The following CACNA1E variants were observed in gnomAD, a reference collection of about 807,000 sequenced individuals.
CACNA1E encodes calcium voltage-gated channel subunit alpha1 E, also known as voltage-dependent R-type calcium channel subunit alpha-1E.
Under a neutral mutation model 259.2 loss-of-function variants are expected in CACNA1E, and 40 were observed. The observed-to-expected ratio is 0.15, with a 90% CI of 0.12 to 0.20. CACNA1E has a LOEUF of 0.20. Among genes scored for constraint, CACNA1E ranks in the 10% least tolerant of loss-of-function variants. CACNA1E has a pLI of 1.00. For synonymous variants in CACNA1E, 1,104 were observed against 1,138.5 expected, an observed-to-expected ratio of 0.97 and a Z score of 0.61; for missense variants, 1,874 against 3,040.1, an observed-to-expected ratio of 0.62 and a Z score of 9.02.
chr1:181,749,413 TC>T (rs1234256435), intron 25 of CACNA1E, among the ~76,000 whole-genome samples: 1 of 152,190 alleles, frequency 6.6e-6, no homozygotes, highest in African/African-American at 2.4e-5. Context: ...AGGGATCTCT[TC>T]CAGCTCAGAA....
intron 1 of CACNA1E, among the ~76,000 whole-genome samples, chr1:181,411,911 G>A (rs575790329): frequency 3.3e-4 from 51 of 152,332 alleles, no homozygotes; most frequent in African/African-American, 1.2e-3. Flanking sequence ...CGCCCAGCCA[G>A]GTGTGCCTCT....
intron 3 of CACNA1E, among the ~76,000 whole-genome samples, chr1:181,535,848 G>A (rs971167711): frequency 6.6e-6 from 1 of 151,726 alleles, no homozygotes; most frequent in African/African-American, 2.4e-5. Flanking sequence ...CTATCACCCC[G>A]GCTAATTTTT....
rs60522141 is a variant in CACNA1E, at chr1:181,718,611, A to AACACACACAC, written c.1638+491_1638+500dup. 2.9e-3 allele frequency among the ~76,000 whole-genome samples: 361 copies of AACACACACAC among 124,302 alleles called. 3 individuals are homozygous for AACACACACAC. Among genetic ancestry groups the AACACACACAC allele is most frequent in the Middle Eastern group, 8.0e-3 (2 of 250 alleles). The allele number at this position is 124,302 out of a possible 152,430, so 81.5% of individuals were successfully genotyped here. A position where few individuals can be genotyped will look rare whatever the true frequency, so the allele number is the denominator to read the frequency against. ...AATTATCTAGATAGACCCTCATTCA[A>AACACACACAC]ACACACACACACACACACACACACA... On this transcript the variant is annotated intron_variant, in intron 12 of 47. Coordinates refer to ENST00000367573, the MANE Select transcript of CACNA1E (RefSeq NM_001205293.3).
chr1:181,773,031 G>A (rs1386896964), intron 37 of CACNA1E, among the ~76,000 whole-genome samples: 1 of 152,166 alleles, frequency 6.6e-6, no homozygotes, highest in African/African-American at 2.4e-5. Context: ...AAATTCCTCA[G>A]CTCAACTACA....
chr1:181,381,767 A>G (rs1297859219), intron 1 of CACNA1E, among the ~76,000 whole-genome samples: 2 of 152,228 alleles, frequency 1.3e-5, no homozygotes, highest in Non-Finnish European at 2.9e-5. Flanking sequence ...TGAGGTTGTA[A>G]GCTTATGAAA....
intron 2 of CACNA1E, among the ~76,000 whole-genome samples, chr1:181,437,296 T>A (rs1389179620): frequency 6.6e-6 from 1 of 152,196 alleles, no homozygotes; most frequent in Admixed American, 6.5e-5. Context: ...TTTTCTGTGC[T>A]ATAAATTTCT....
chr1:181,639,261 C>T (rs1040587643), intron 6 of CACNA1E, among the ~76,000 whole-genome samples: 6 of 151,998 alleles, frequency 3.9e-5, no homozygotes, highest in Non-Finnish European at 7.4e-5. Flanking sequence ...CTAATTTTTT[C>T]GTATTTTCAG....
intron 21 of CACNA1E, among the ~76,000 whole-genome samples, chr1:181,734,205 G>A (rs1281153689): frequency 6.6e-6 from 1 of 152,062 alleles, no homozygotes; most frequent in African/African-American, 2.4e-5. Flanking sequence ...TGTAAAGTGA[G>A]AGCATTGTAC....
At chr1:181,553,576 G>A (rs372923825) in intron 3 of CACNA1E, among the ~76,000 whole-genome samples, 1 of 152,114 alleles carries the variant, frequency 6.6e-6, no homozygotes, top group South Asian at 2.1e-4. Flanking sequence ...TCCTTGTCTC[G>A]TGCCAGTTTT....
At chr1:181,390,102 G>A (rs940933423) in intron 1 of CACNA1E, among the ~76,000 whole-genome samples, 1 of 152,190 alleles carries the variant, frequency 6.6e-6, no homozygotes, top group Admixed American at 6.5e-5. Flanking sequence ...ATTGACTGCT[G>A]TTCTTCGTGA....
At chr1:181,450,416 G>C (rs938181309) in intron 2 of CACNA1E, among the ~76,000 whole-genome samples, 9 of 97,420 alleles carry the variant, frequency 9.2e-5, no homozygotes, top group African/African-American at 3.9e-4. Context: ...TTCAGGTGAA[G>C]GGGGATTGTG....
intron 6 of CACNA1E, among the ~76,000 whole-genome samples, chr1:181,582,192 G>T (rs1425998770): frequency 6.6e-6 from 1 of 152,192 alleles, no homozygotes; most frequent in Non-Finnish European, 1.5e-5. Flanking sequence ...AAGCTCTAAA[G>T]GGCAGTGAAG....
rs759385572 is a variant in CACNA1E, at chr1:181,790,453, G to A, written c.5795G>A (p.Arg1932Gln). ...TTGACATTGCTTTTCAGGAGTGGCCGGAGTGGATACCCTTCGATGAGTCCA... is the reference window on the plus strand; with the variant it reads ...TTGACATTGCTTTTCAGGAGTGGCCAGAGTGGATACCCTTCGATGAGTCCA... ...QQDPVSGLSG[R>Q]SGYPSMSPLS... Residue 1932 changes from arginine (R) to glutamine (Q), a missense_variant, in exon 44 of 48, where the codon CGG (arginine) becomes CAG (glutamine). By Grantham distance (43) the Arg-to-Gln change is conservative (BLOSUM62 1). Transcript: ENST00000367573. The A allele has an allele frequency of 2.8e-5, 45 of 1,607,812 alleles. No individual in the cohort carries two copies. Among genetic ancestry groups the A allele is most frequent in the Middle Eastern group, 1.6e-4 (1 of 6,072 alleles).
chr1:181,635,136 C>G (rs779447549), intron 6 of CACNA1E, among the ~76,000 whole-genome samples: 1 of 152,230 alleles, frequency 6.6e-6, no homozygotes, highest in African/African-American at 2.4e-5. Context: ...TTTCCAGGAG[C>G]CCTACTGGGG....
At chr1:181,331,063 G>A (rs1651219421) in intron 1 of CACNA1E, among the ~76,000 whole-genome samples, 1 of 152,114 alleles carries the variant, frequency 6.6e-6, no homozygotes, top group South Asian at 2.1e-4. Context: ...GCATCTCAGA[G>A]CCTCAAGCCC....
chr1:181,624,228 C>T (rs567267228), intron 6 of CACNA1E, among the ~76,000 whole-genome samples: 22 of 152,150 alleles, frequency 1.4e-4, no homozygotes, highest in Non-Finnish European at 2.6e-4. Flanking sequence ...ATGACCCAGA[C>T]ACCTCCCATT....
intron 6 of CACNA1E, among the ~76,000 whole-genome samples, chr1:181,623,441 A>G (rs1655906361): frequency 6.6e-6 from 1 of 152,250 alleles, no homozygotes; most frequent in Admixed American, 6.5e-5. Flanking sequence ...TAATTTGAGG[A>G]TGGGTATTTT....
chr1:181,718,339 GGTTT>G (rs1330058529), intron 12 of CACNA1E, among the ~76,000 whole-genome samples, 172 bp downstream of exon 12: 1 of 151,958 alleles, frequency 6.6e-6, no homozygotes, highest in Admixed American at 6.6e-5. Context: ...TCCCATGCAG[GGTTT>G]GTTTGTTTTT....
chr1:181,420,189 A>G (rs1658619553), intron 2 of CACNA1E, among the ~76,000 whole-genome samples: 1 of 152,138 alleles, frequency 6.6e-6, no homozygotes. Flanking sequence ...GGTGATAGTG[A>G]AACAGACTAG....
Sources: gnomAD v4.1 joint callset for allele counts (sites outside exome capture counted in the v4.1 genomes callset) on GRCh38, gnomAD v4.1.1 for gene constraint, MANE v1.5 for transcripts, NCBI Gene and HGNC (gene_info 2026-07-23, HGNC 2026-07-21) for gene names.